The following LRRN1 variants were observed in gnomAD, a reference collection of about 807,000 sequenced individuals.
The protein encoded by LRRN1 is leucine rich repeat neuronal 1.
A neutral mutation model predicts 45.8 loss-of-function variants in LRRN1; 14 were observed. The observed-to-expected ratio is 0.31, with a 90% CI of 0.20 to 0.48. The LOEUF is 0.48. Among genes scored for constraint, LRRN1 ranks in the 20% least tolerant of loss-of-function variants. The pLI is 0.99. For missense variants in LRRN1, 789 were observed against 874.2 expected (o/e 0.90, Z 1.23); for synonymous variants, 359 against 330.1 (o/e 1.09, Z -0.95).
intron 1 of LRRN1, among the ~76,000 whole-genome samples, chr3:3,823,621 A>G (rs946656802): frequency 6.6e-6 from 1 of 152,154 alleles, no homozygotes; most frequent in African/African-American, 2.4e-5. Context: ...TTTAATCTTC[A>G]GAACATCCAA....
chr3:3,843,690 A>G (rs2106471187), intron 1 of LRRN1, among the ~76,000 whole-genome samples: 1 of 152,242 alleles, frequency 6.6e-6, no homozygotes, highest in South Asian at 2.1e-4. Flanking sequence ...TATGACTGGC[A>G]TCTTTCAAGC....
intron 1 of LRRN1, among the ~76,000 whole-genome samples, chr3:3,826,216 A>C (rs1354329215): frequency 6.6e-6 from 1 of 152,298 alleles, no homozygotes; most frequent in East Asian, 1.9e-4. Flanking sequence ...AGAAAAAAGA[A>C]GGGAAGAAAG....
At chr3:3,813,970 A>G (rs1410843546) in intron 1 of LRRN1, among the ~76,000 whole-genome samples, 2 of 151,146 alleles carry the variant, frequency 1.3e-5, no homozygotes, top group Non-Finnish European at 3.0e-5. Flanking sequence ...TCATCCCATC[A>G]CTCAGGCTCA....
At chr3:3,841,300 A>AAAAC (rs1363871508) in intron 1 of LRRN1, among the ~76,000 whole-genome samples, 1 of 150,564 alleles carries the variant, frequency 6.6e-6, no homozygotes, top group Non-Finnish European at 1.5e-5. Flanking sequence ...CAAAAAAAAA[A>AAAAC]AAAAAAAATT....
chr3:3,845,415 C>G lies in LRRN1; in HGVS notation c.774C>G (p.Ala258=). The G allele has an allele frequency of 6.2e-7, 1 of 1,614,046 alleles. No individual in the cohort carries two copies. Among genetic ancestry groups the G allele is most frequent in the Non-Finnish European group, 8.5e-7 (1 of 1,180,020 alleles). Residue 258 remains alanine, a synonymous_variant, in exon 2 of 2, where the codon GCC becomes GCG. Transcript: ENST00000319331. This position sits in a 1 kb window ranked among gnomAD's most constrained non-coding sequence, Gnocchi z 6.5. ...DNKLVKVPQL[A]LQKVPNLKFL... ...AACTGGTTAAAGTCCCTCAACTTGC[C>G]CTGCAAAAAGTTCCAAATTTGAAAT...
At chr3:3,815,935 T>G in intron 1 of LRRN1, among the ~76,000 whole-genome samples, 1 of 152,140 alleles carries the variant, frequency 6.6e-6, no homozygotes, top group East Asian at 1.9e-4. Flanking sequence ...TTAATTTTGC[T>G]TCATATAAAA....
rs775379346 is a variant in LRRN1 at position 3,845,305 on chromosome 3, T to C, written c.664T>C (p.Leu222=). 4.3e-6 allele frequency: 7 copies of C among 1,613,972 alleles called. No homozygotes were observed. In the African/African-American group the frequency reaches 8.0e-5, roughly 18 times the overall value. The part of the protein sequence containing the change: ...KPLANLRSLV[L]AGMYLTDIPG... ...CCTCGCAAATTTGAGAAGCTTAGTT[T>C]TGGCAGGAATGTATCTCACTGATAT... The change falls in exon 2 of 2, where the codon TTG becomes CTG. Residue 222 remains leucine (L), a synonymous_variant. Transcript: ENST00000319331. This position sits in a 1 kb window ranked among gnomAD's most constrained non-coding sequence, Gnocchi z 6.5.
At chr3:3,824,336 A>G (rs978990743) in intron 1 of LRRN1, among the ~76,000 whole-genome samples, 6 of 152,270 alleles carry the variant, frequency 3.9e-5, no homozygotes, top group Admixed American at 1.3e-4. Flanking sequence ...TTAAAAATCT[A>G]TGCACTTCTT....
At chr3:3,838,230 C>CT (rs1337627002) in intron 1 of LRRN1, among the ~76,000 whole-genome samples, 1 of 152,124 alleles carries the variant, frequency 6.6e-6, no homozygotes, top group Admixed American at 6.5e-5. Context: ...CCCTTCCTTA[C>CT]ACCTTATAAA....
At chr3:3,802,617 A>C (rs185007215) in intron 1 of LRRN1, among the ~76,000 whole-genome samples, 1 of 152,124 alleles carries the variant, frequency 6.6e-6, no homozygotes, top group Non-Finnish European at 1.5e-5. Context: ...TTTTCACAGG[A>C]TGGGGAAAAA....
Position 3,810,215 on chromosome 3 carries a change from A to G in LRRN1, c.-279+10296A>G, listed in dbSNP as rs565364708. Among the ~76,000 whole-genome samples, 118 of 152,326 alleles carry G rather than the reference A, an allele frequency of 7.7e-4. 3 individuals carry two copies. The South Asian group carries it at 0.024, about 31-fold the overall frequency. ...CCCCTAAATGGTGATTCATGGAATC[A>G]CATTTTCTAAATAAAGAGAATAGGT... is the stretch of plus-strand genomic sequence containing the variant. On this transcript the variant is annotated intron_variant, in intron 1 of 1. Transcript: ENST00000319331.
At position 3,845,490 on chromosome 3, in the gene LRRN1, C is replaced by G; in HGVS notation, c.849C>G (p.Phe283Leu). The G allele has an allele frequency of 6.2e-7, 1 of 1,614,032 alleles. No homozygotes were observed. The highest frequency in any genetic ancestry group is 8.5e-7 in the Non-Finnish European group (1 of 1,179,996). ...TTCACAAAATCCAAGAAGGGGACTT[C>G]AAAAATATGCTTCGGTTAAAAGAAC... ...NPIHKIQEGD[F>L]KNMLRLKELG... Residue 283 changes from phenylalanine to leucine, a missense_variant, in exon 2 of 2, where the codon TTC becomes TTG. Phe to Leu is a conservative substitution (Grantham distance 22). Transcript: ENST00000319331. The surrounding 1 kb of genome is among the most constrained non-coding windows in gnomAD (Gnocchi z 6.5).
At chr3:3,839,157 T>G (rs1164592798) in intron 1 of LRRN1, among the ~76,000 whole-genome samples, 1 of 152,186 alleles carries the variant, frequency 6.6e-6, no homozygotes, top group Non-Finnish European at 1.5e-5. Context: ...AGGTCTTTAA[T>G]GCATTTTGAG....
intron 1 of LRRN1, among the ~76,000 whole-genome samples, chr3:3,832,473 C>G (rs1693393641): frequency 1.3e-5 from 2 of 152,116 alleles, no homozygotes; most frequent in South Asian, 4.1e-4. Context: ...TGCATAAGCC[C>G]CTGCTTTAAC....
rs1692783804 is a variant in LRRN1, at chr3:3,807,291, CAACCCA to C, written c.-279+7373_-279+7378del. Among the ~76,000 whole-genome samples, 3 of 152,292 alleles carry C rather than the reference CAACCCA, an allele frequency of 2.0e-5. No homozygotes were observed. The South Asian group carries it at 6.2e-4, about 32-fold the overall frequency. On this transcript the variant is annotated intron_variant, in intron 1 of 1. Transcript: ENST00000319331. ...TTAGAAAACGAGATAGAAAATGGGA[CAACCCA>C]GAACATGTGGGAAGAATGGACTGCC...
rs569902976 is a variant in LRRN1 at position 3,837,644 on chromosome 3, C to G, written c.-278-6720C>G. Among the ~76,000 whole-genome samples the G allele has an allele frequency of 3.3e-5, 5 of 152,184 alleles. No individual in the cohort carries two copies. In the South Asian group the frequency reaches 1.0e-3, roughly 32 times the overall value. On this transcript the variant is annotated intron_variant, in intron 1 of 1. Transcript: ENST00000319331. ...CCTGGGTAATCCTGATGTGAATGGA[C>G]AGCAGCAGGGTTCTGGTGGGATCAG... is the stretch of plus-strand genomic sequence containing the variant.
chr3:3,835,941 G>A (rs1037218443), intron 1 of LRRN1, among the ~76,000 whole-genome samples: 2 of 151,742 alleles, frequency 1.3e-5, no homozygotes, highest in East Asian at 3.9e-4. Flanking sequence ...GCCAATTCTG[G>A]GCCTTAAAGC....
chr3:3,809,209 T>A (rs1237821196), intron 1 of LRRN1, among the ~76,000 whole-genome samples: 1 of 152,164 alleles, frequency 6.6e-6, no homozygotes, highest in Non-Finnish European at 1.5e-5. Flanking sequence ...AGGGGCGTGA[T>A]CTTGGCTCAC....
chr3:3,800,370 G>GC (rs1416632460), intron 1 of LRRN1, among the ~76,000 whole-genome samples: 3 of 152,116 alleles, frequency 2.0e-5, no homozygotes, highest in Non-Finnish European at 4.4e-5. Context: ...TGGAAAGAGG[G>GC]CCAAGAGGAG....
Sources: allele counts gnomAD v4.1 joint callset (sites outside exome capture counted in the v4.1 genomes callset), GRCh38; gene constraint gnomAD v4.1.1; non-coding constraint Gnocchi (gnomAD v3.1); transcripts MANE v1.5; gene names NCBI Gene and HGNC (gene_info 2026-07-23, HGNC 2026-07-21).